The following AKAP6 variants were observed in gnomAD, a reference collection of about 807,000 sequenced individuals.
The protein encoded by AKAP6 is A-kinase anchor protein 6.
A neutral mutation model predicts 188.5 loss-of-function variants in AKAP6; 58 were observed. That is an observed-to-expected ratio of 0.31 (90% CI 0.25 to 0.38). The LOEUF (loss-of-function observed/expected upper bound fraction) is 0.38. AKAP6 is among the 10% of genes least tolerant of loss of function. AKAP6 has a pLI of 1.00. For missense variants in AKAP6, 2,710 were observed against 2,740.0 expected, an observed-to-expected ratio of 0.99 and a Z score of 0.24; for synonymous variants, 989 against 998.6, an observed-to-expected ratio of 0.99 and a Z score of 0.18.
chr14:32,686,301 A>G (rs367568997), intron 8 of AKAP6, among the ~76,000 whole-genome samples: 5 of 152,324 alleles, frequency 3.3e-5, no homozygotes, highest in South Asian at 4.1e-4. Flanking sequence ...GGGGTAGTAG[A>G]GCATCAGAGT....
intron 9 of AKAP6, among the ~76,000 whole-genome samples, chr14:32,719,312 G>A (rs1473753278): frequency 1.3e-5 from 2 of 152,162 alleles, no homozygotes; most frequent in Non-Finnish European, 2.9e-5. Flanking sequence ...CAGTGCTGGA[G>A]TCCTTAGTCC....
chr14:32,630,979 T>G (rs1887244922), intron 7 of AKAP6, among the ~76,000 whole-genome samples: 1 of 152,090 alleles, frequency 6.6e-6, no homozygotes, highest in Non-Finnish European at 1.5e-5. Context: ...CTTCTGGTCT[T>G]TCTTTCTACT....
chr14:32,810,250 G>C (rs1446407781), intron 12 of AKAP6, among the ~76,000 whole-genome samples: 5 of 109,262 alleles, frequency 4.6e-5, no homozygotes, highest in African/African-American at 6.8e-5. Context: ...ACCCCCTAAT[G>C]CTCGTTTTTT....
intron 11 of AKAP6, among the ~76,000 whole-genome samples, chr14:32,757,401 A>C (rs1422218096): frequency 1.3e-5 from 2 of 152,178 alleles, no homozygotes; most frequent in Non-Finnish European, 2.9e-5. Flanking sequence ...AAGAGGGAGG[A>C]GGTCTTCTGA....
chr14:32,834,401 A>G lies in AKAP6; in HGVS notation c.*4596A>G, dbSNP rs2140178923. 6.6e-6 allele frequency: 1 copy of G among 152,200 alleles called. No individual in the cohort carries two copies. Among genetic ancestry groups the G allele is most frequent in the East Asian group, 1.9e-4 (1 of 5,178 alleles). 9.4% of individuals were successfully genotyped at this position (152,200 alleles called of 1,614,324 possible). ...AATTTTGTCTCAAAAAAAAAAATGT[A>G]ATATTAATACAATAATACCTGATAG... is the stretch of plus-strand genomic sequence containing the variant. On this transcript the variant is annotated 3_prime_UTR_variant, in exon 14 of 14. Transcript: ENST00000280979.
chr14:32,662,146 G>A (rs960448757), intron 7 of AKAP6, among the ~76,000 whole-genome samples: 1 of 151,746 alleles, frequency 6.6e-6, no homozygotes, highest in Non-Finnish European at 1.5e-5. Context: ...TAGATTATTT[G>A]GAATGAAACT....
chr14:32,659,329 G>A (rs375245580), intron 7 of AKAP6, among the ~76,000 whole-genome samples: 3 of 152,118 alleles, frequency 2.0e-5, no homozygotes, highest in African/African-American at 4.8e-5. Context: ...ACATGTGTTT[G>A]TGCTGTCAGG....
intron 1 of AKAP6, among the ~76,000 whole-genome samples, chr14:32,336,853 A>C (rs919614628): frequency 1.2e-4 from 18 of 152,146 alleles, no homozygotes; most frequent in African/African-American, 4.3e-4. Flanking sequence ...AACTCATTAC[A>C]GTCCTCCCCA....
chr14:32,604,221 A>G (rs1886046900), intron 7 of AKAP6, among the ~76,000 whole-genome samples: 1 of 152,144 alleles, frequency 6.6e-6, no homozygotes. Flanking sequence ...TGTGCACAGC[A>G]TAGTGCATCT....
chr14:32,678,301 C>G lies in AKAP6; in HGVS notation c.2731-10C>G. ...TTAAAACAGCAATTTCTCTTTGTTTCTCTTTCCAGGCTGAGGTTCAACTAT... is the reference window on the plus strand; with the variant it reads ...TTAAAACAGCAATTTCTCTTTGTTTGTCTTTCCAGGCTGAGGTTCAACTAT... On this transcript the variant is annotated splice_polypyrimidine_tract_variant and intron_variant, in intron 7 of 13. Transcript: ENST00000280979. 11 of 1,603,064 alleles carry G rather than the reference C, an allele frequency of 6.9e-6. No homozygotes were observed. Among genetic ancestry groups the G allele is most frequent in the Non-Finnish European group, 9.4e-6 (11 of 1,171,968 alleles).
chr14:32,479,783 A>G lies in AKAP6; in HGVS notation c.324+45966A>G, dbSNP rs79772762. Among the ~76,000 whole-genome samples, 34 of 152,150 alleles carry G rather than the reference A, an allele frequency of 2.2e-4. 1 individual carries two copies. Among genetic ancestry groups the G allele is most frequent in the East Asian group, 1.9e-3 (10 of 5,182 alleles). On this transcript the variant is annotated intron_variant, in intron 2 of 13. Coordinates refer to ENST00000280979, the MANE Select transcript of AKAP6 (RefSeq NM_004274.5). ...TGCCTTTCTGTCACATGAGGACACA[A>G]GAAGACACTATCTGTGAATCAGAAA...
At chr14:32,727,130 G>T (rs1035419145) in intron 9 of AKAP6, among the ~76,000 whole-genome samples, 3 of 152,070 alleles carry the variant, frequency 2.0e-5, no homozygotes, top group African/African-American at 7.2e-5. Context: ...ATTTTACAGG[G>T]TATGATCAAG....
At chr14:32,619,945 T>C (rs1034174795) in intron 7 of AKAP6, among the ~76,000 whole-genome samples, 3 of 152,112 alleles carry the variant, frequency 2.0e-5, no homozygotes, top group Non-Finnish European at 4.4e-5. Context: ...TTGCAGCTAT[T>C]ATAAAAGGGA....
intron 1 of AKAP6, among the ~76,000 whole-genome samples, chr14:32,406,539 AAGAG>A (rs1333978697): frequency 6.6e-6 from 1 of 152,164 alleles, no homozygotes; most frequent in African/African-American, 2.4e-5. Context: ...AAATTTTAAA[AAGAG>A]AGAGAATTGG....
At chr14:32,332,297 A>G (rs1376456648) in intron 1 of AKAP6, among the ~76,000 whole-genome samples, 1 of 151,954 alleles carries the variant, frequency 6.6e-6, no homozygotes, top group Non-Finnish European at 1.5e-5. Flanking sequence ...AGTCATCTAT[A>G]CTCTATCACA....
At chr14:32,427,479 T>G (rs566322781) in intron 1 of AKAP6, among the ~76,000 whole-genome samples, 1 of 152,318 alleles carries the variant, frequency 6.6e-6, no homozygotes, top group South Asian at 2.1e-4. Context: ...TCCCAGCTCT[T>G]GACCCAACAA....
intron 5 of AKAP6, among the ~76,000 whole-genome samples, chr14:32,593,676 A>G (rs1195000005): frequency 6.6e-6 from 1 of 152,234 alleles, no homozygotes; most frequent in Non-Finnish European, 1.5e-5. Context: ...AGATAAAACC[A>G]AAGTGTTCAA....
At chr14:32,713,018 A>G (rs182660458) in intron 9 of AKAP6, among the ~76,000 whole-genome samples, 2 of 152,210 alleles carry the variant, frequency 1.3e-5, no homozygotes, top group African/African-American at 4.8e-5. Flanking sequence ...AAATAAGACA[A>G]CTTGAAAGTC....
At chr14:32,371,330 T>C (rs1285531717) in intron 1 of AKAP6, among the ~76,000 whole-genome samples, 1 of 152,198 alleles carries the variant, frequency 6.6e-6, no homozygotes, top group Non-Finnish European at 1.5e-5. Context: ...AACATGTTTG[T>C]ATGTTTGGGA....
Sources: allele counts gnomAD v4.1 joint callset (sites outside exome capture counted in the v4.1 genomes callset), GRCh38; gene constraint gnomAD v4.1.1; transcripts MANE v1.5; gene names NCBI Gene and HGNC (gene_info 2026-07-23, HGNC 2026-07-21).